Variants in KCNN2 observed in about 807,000 individuals in gnomAD.
The protein encoded by KCNN2 is potassium calcium-activated channel subfamily N member 2, also known as small conductance calcium-activated potassium channel protein 2.
Under a neutral mutation model 55.5 loss-of-function variants are expected in KCNN2, and 24 were observed. That is an observed-to-expected ratio of 0.43 (90% CI 0.31 to 0.61). The LOEUF is 0.61. KCNN2 is among the 20% of genes least tolerant of loss of function. KCNN2 has a pLI of 0.08. For missense variants in KCNN2, 754 were observed against 853.6 expected, an observed-to-expected ratio of 0.88 and a Z score of 1.45; for synonymous variants, 431 against 336.1, an observed-to-expected ratio of 1.28 and a Z score of -3.09.
At chr5:114,205,768 C>T (rs934528090) in intron 1 of KCNN2, among the ~76,000 whole-genome samples, 5 of 152,298 alleles carry the variant, frequency 3.3e-5, no homozygotes, top group African/African-American at 1.2e-4. Flanking sequence ...ACTTCTTTCT[C>T]AGTATTTTAC....
intron 2 of KCNN2, among the ~76,000 whole-genome samples, chr5:114,348,942 T>C (rs1471874302): frequency 6.6e-6 from 1 of 152,134 alleles, no homozygotes; most frequent in African/African-American, 2.4e-5. Context: ...CCATTTAAAG[T>C]GTATAAATCA....
At chr5:114,219,467 AG>A (rs747213623) in intron 1 of KCNN2, among the ~76,000 whole-genome samples, 2 of 152,106 alleles carry the variant, frequency 1.3e-5, no homozygotes, top group Non-Finnish European at 2.9e-5. Context: ...CGGGGTGGGT[AG>A]GTAATCCTCA....
chr5:114,232,018 A>G (rs1754372997), intron 2 of KCNN2, among the ~76,000 whole-genome samples: 1 of 151,118 alleles, frequency 6.6e-6, no homozygotes, highest in Non-Finnish European at 1.5e-5. Flanking sequence ...CTTTTAATCT[A>G]CTGATTTTTT....
intron 3 of KCNN2, among the ~76,000 whole-genome samples, chr5:114,421,581 T>C (rs949237423): frequency 2.6e-5 from 4 of 151,984 alleles, no homozygotes; most frequent in African/African-American, 9.7e-5. Flanking sequence ...TATTCTCTTT[T>C]CTCTACAACC....
In KCNN2 at chr5:114,316,028, T is replaced by C. The variant is rs369816747; in HGVS notation, c.-184-44917T>C. Among the ~76,000 whole-genome samples, 648 of 152,278 alleles carry C rather than the reference T, an allele frequency of 4.3e-3. 5 individuals are homozygous for C. The highest frequency in any genetic ancestry group is 0.015 in the African/African-American group (629 of 41,562). On this transcript the variant is annotated intron_variant, in intron 2 of 10. Transcript: ENST00000512097. The stretch of plus-strand genomic sequence containing the variant: ...ACCAAGGAACCTCAAATTGAGAGAC[T>C]ATCTTGAAATAAGTTTACTCATGCA...
intron 2 of KCNN2, among the ~76,000 whole-genome samples, chr5:114,312,434 C>CATATATATATATAT (rs59964515): frequency 3.8e-4 from 9 of 23,386 alleles, no homozygotes; most frequent in African/African-American, 4.4e-4. Flanking sequence ...CACACACACA[C>CATATATATATATAT]ATATATATAT....
At chr5:114,475,477 T>A (rs1261073110) in intron 5 of KCNN2, among the ~76,000 whole-genome samples, 1 of 152,182 alleles carries the variant, frequency 6.6e-6, no homozygotes, top group Non-Finnish European at 1.5e-5. Context: ...GAAAGGACAG[T>A]CTCTCTTAAA....
At chr5:114,145,619 T>A (rs1214409381) in intron 1 of KCNN2, among the ~76,000 whole-genome samples, 1 of 151,966 alleles carries the variant, frequency 6.6e-6, no homozygotes, top group Non-Finnish European at 1.5e-5. Flanking sequence ...TTGAAAGGGG[T>A]TCCGTCTTCT....
chr5:114,263,108 C>T (rs893146449), intron 2 of KCNN2, among the ~76,000 whole-genome samples: 3 of 152,158 alleles, frequency 2.0e-5, no homozygotes, highest in Non-Finnish European at 2.9e-5. Context: ...CCACCTTTCA[C>T]TCTTGTTTTT....
intron 2 of KCNN2, among the ~76,000 whole-genome samples, chr5:114,328,935 T>C (rs1485892584): frequency 6.6e-6 from 1 of 152,208 alleles, no homozygotes; most frequent in East Asian, 1.9e-4. Flanking sequence ...GTATTTCTGC[T>C]TTCTACAATC....
chr5:114,463,682 A>AACTT (rs759802998), intron 4 of KCNN2, among the ~76,000 whole-genome samples: 3 of 152,190 alleles, frequency 2.0e-5, no homozygotes, highest in Admixed American at 6.5e-5. Context: ...AGAAGATAGA[A>AACTT]ACTTACTGCC....
intron 2 of KCNN2, among the ~76,000 whole-genome samples, chr5:114,251,802 A>T (rs1754866979): frequency 6.6e-6 from 1 of 151,738 alleles, no homozygotes; most frequent in East Asian, 1.9e-4. Context: ...TTTTATATTT[A>T]ACTGGAAAAA....
rs566950883 is a variant in KCNN2, at chr5:114,447,811, G to A, written c.1638-15238G>A. On this transcript the variant is annotated intron_variant, in intron 3 of 7. Coordinates refer to ENST00000673685, the MANE Select transcript of KCNN2 (RefSeq NM_021614.4). ...GAGCTGAGTATGTACCACACTTTACGAAGGGTGCGCTTTTTCCTTTTTGCT... is the reference window on the plus strand; with the variant it reads ...GAGCTGAGTATGTACCACACTTTACAAAGGGTGCGCTTTTTCCTTTTTGCT... Among the ~76,000 whole-genome samples the A allele has an allele frequency of 8.5e-5, 13 of 152,314 alleles. No homozygotes were observed. The South Asian group carries it at 1.9e-3, about 22-fold the overall frequency.
At chr5:114,068,407 G>C (rs1334421862) in intron 1 of KCNN2, among the ~76,000 whole-genome samples, 1 of 152,212 alleles carries the variant, frequency 6.6e-6, no homozygotes, top group African/African-American at 2.4e-5. Flanking sequence ...CACATGGTCT[G>C]TAGTTGTACC....
chr5:114,409,618 G>A (rs1759061549), intron 3 of KCNN2, among the ~76,000 whole-genome samples: 1 of 152,128 alleles, frequency 6.6e-6, no homozygotes, highest in African/African-American at 2.4e-5. Flanking sequence ...TCTAAAAAGA[G>A]ACTTAGATTT....
intron 1 of KCNN2, among the ~76,000 whole-genome samples, chr5:114,181,707 C>A (rs762553238): frequency 5.9e-5 from 9 of 152,030 alleles, no homozygotes; most frequent in Non-Finnish European, 1.0e-4. Flanking sequence ...ATGTTTAGAT[C>A]TATGTCCATG....
intron 2 of KCNN2, among the ~76,000 whole-genome samples, chr5:114,251,880 C>CTTTTTTTTTTTTT (rs200692821): frequency 3.0e-5 from 4 of 133,336 alleles, no homozygotes; most frequent in South Asian, 2.4e-4. Context: ...TTTTCTTTTT[C>CTTTTTTTTTTTTT]TTTTTTTTTT....
At chr5:114,288,086 G>C (rs897331791) in intron 2 of KCNN2, among the ~76,000 whole-genome samples, 1 of 152,164 alleles carries the variant, frequency 6.6e-6, no homozygotes, top group African/African-American at 2.4e-5. Flanking sequence ...TCATACAAAT[G>C]ATGTTATACA....
rs532734762 is a variant in KCNN2, at chr5:114,496,383, T to A, written c.*201T>A. On this transcript the variant is annotated 3_prime_UTR_variant, in exon 8 of 8. Transcript: ENST00000673685. ...TTCAGATGCACAGGGAATGCACCTA[T>A]TATTGCTATATAGATTGTTCCTCCT... The A allele has an allele frequency of 2.6e-5, 15 of 570,202 alleles. No individual in the cohort carries two copies. The highest frequency in any genetic ancestry group is 2.1e-4 in the African/African-American group (11 of 53,648). The allele number at this position is 570,202 out of a possible 1,614,324, so 35.3% of individuals were successfully genotyped here. A position where few individuals can be genotyped will look rare whatever the true frequency, so the allele number is the denominator to read the frequency against.
Sources: gnomAD v4.1 joint callset for allele counts (sites outside exome capture counted in the v4.1 genomes callset) on GRCh38, gnomAD v4.1.1 for gene constraint, MANE v1.5 for transcripts, NCBI Gene and HGNC (gene_info 2026-07-23, HGNC 2026-07-21) for gene names.